Variants in KIF1B observed in about 807,000 individuals in gnomAD.
KIF1B encodes the protein kinesin family member 1B.
In KIF1B, 76 loss-of-function variants were observed where a neutral mutation model predicts 241.9. The ratio of observed to expected loss-of-function variants is 0.31; its 90% CI spans 0.26 to 0.38. The LOEUF (loss-of-function observed/expected upper bound fraction) is 0.38. KIF1B is among the 10% of genes least tolerant of loss of function. The pLI is 1.00. For synonymous variants in KIF1B, 750 were observed against 796.7 expected, an observed-to-expected ratio of 0.94 and a Z score of 0.99; for missense variants, 1,622 against 2,271.4, an observed-to-expected ratio of 0.71 and a Z score of 5.81.
chr1:10,229,867 C>CAAAAAAAAAAAA lies in KIF1B; in HGVS notation c.-79-2366_-79-2355dup, dbSNP rs58923572. On this transcript the variant is annotated intron_variant, in intron 1 of 48. Coordinates refer to ENST00000676179, the MANE Select transcript of KIF1B (RefSeq NM_001365951.3). ...TGGGTGATGGAGTGAGACTCCGTCTCAAAAAAAAAAAAAAAAAAAAAAAAA... is the reference window on the plus strand; with the variant it reads ...TGGGTGATGGAGTGAGACTCCGTCTCAAAAAAAAAAAAAAAAAAAAAAAAAAAAAAAAAAAAA... Among the ~76,000 whole-genome samples, 56 of 56,470 alleles carry CAAAAAAAAAAAA rather than the reference C, an allele frequency of 9.9e-4. 1 individual carries two copies. The highest frequency in any genetic ancestry group is 5.0e-3 in the African/African-American group (54 of 10,846). The allele number at this position is 56,470 out of a possible 152,430, so 37.0% of individuals were successfully genotyped here.
At chr1:10,354,756 C>T (rs1357250323) in intron 38 of KIF1B, among the ~76,000 whole-genome samples, 2 of 152,150 alleles carry the variant, frequency 1.3e-5, no homozygotes, top group Admixed American at 6.5e-5. Context: ...AATGAGACAT[C>T]TTTGTAGTTT....
Position 10,365,143 on chromosome 1 carries a change from A to T in KIF1B, c.4410A>T (p.Ala1470=), listed in dbSNP as rs1193837914. Residue 1470 remains alanine, a synonymous_variant, in exon 42 of 49, where the codon GCA becomes GCT. Coordinates refer to ENST00000676179, the MANE Select transcript of KIF1B (RefSeq NM_001365951.3). This position sits in a 1 kb window ranked among gnomAD's most constrained non-coding sequence, Gnocchi z 4.0. ...GAAAAATCTTAGATACGTCAGTGGC[A>T]TATGTGCGGGGAGAAGAGAACTTAG... ...RRRKILDTSV[A]YVRGEENLAG... 1 of 1,614,038 alleles carries T rather than the reference A, an allele frequency of 6.2e-7. No homozygotes were observed. Among genetic ancestry groups the T allele is most frequent in the East Asian group, 2.2e-5 (1 of 44,890 alleles).
intron 1 of KIF1B, among the ~76,000 whole-genome samples, chr1:10,224,552 G>A (rs1646886924): frequency 2.0e-5 from 3 of 151,822 alleles, no homozygotes; most frequent in Admixed American, 2.0e-4. Flanking sequence ...TCAAGTAGCT[G>A]GGATTACCGA....
At chr1:10,287,261 A>G (rs1649758260) in intron 15 of KIF1B, among the ~76,000 whole-genome samples, 1 of 152,194 alleles carries the variant, frequency 6.6e-6, no homozygotes, top group South Asian at 2.1e-4. Flanking sequence ...CAGTGGCACC[A>G]TCTTGGCTCA....
At chr1:10,364,335 G>A (rs1196454653) in intron 41 of KIF1B, among the ~76,000 whole-genome samples, 1 of 151,494 alleles carries the variant, frequency 6.6e-6, no homozygotes, top group Non-Finnish European at 1.5e-5. Context: ...CTCCTGAGTA[G>A]CTGGGTTTGC....
At position 10,232,441 on chromosome 1, in the gene KIF1B, A is replaced by G; in HGVS notation, c.106+7A>G. The G allele has an allele frequency of 1.3e-6, 2 of 1,588,880 alleles. No homozygotes were observed. The highest frequency in any genetic ancestry group is 1.7e-6 in the Non-Finnish European group (2 of 1,157,264). On this transcript the variant is annotated splice_region_variant and intron_variant, in intron 2 of 48. Coordinates refer to ENST00000676179, the MANE Select transcript of KIF1B (RefSeq NM_001365951.3). ...ATGCAAGGCAACTCGACCAGTGAGT[A>G]CATGTTGTTTTCTCTCAGCTGTGTA... is the stretch of plus-strand genomic sequence containing the variant.
intron 38 of KIF1B, among the ~76,000 whole-genome samples, chr1:10,359,581 A>G (rs1638355281): frequency 6.6e-6 from 1 of 152,226 alleles, no homozygotes; most frequent in African/African-American, 2.4e-5. Context: ...GTGGGTATCT[A>G]TTAAATTAAG....
intron 1 of KIF1B, among the ~76,000 whole-genome samples, chr1:10,218,115 C>G (rs1224750115): frequency 6.6e-6 from 1 of 152,088 alleles, no homozygotes; most frequent in Non-Finnish European, 1.5e-5. Flanking sequence ...TCATCATAGC[C>G]AGGCTCTGAC....
intron 23 of KIF1B, among the ~76,000 whole-genome samples, chr1:10,321,332 G>A: frequency 6.6e-6 from 1 of 152,122 alleles, no homozygotes; most frequent in Non-Finnish European, 1.5e-5. Flanking sequence ...TCAAACCCCT[G>A]ACCTCAGGTG....
intron 1 of KIF1B, among the ~76,000 whole-genome samples, chr1:10,211,148 G>A (rs1223440071): frequency 6.6e-6 from 1 of 152,174 alleles, no homozygotes. Context: ...CCAGGCCCCG[G>A]CTGTGCCCAG....
Position 10,375,381 on chromosome 1 carries a change from GT to G in KIF1B, c.5408+12del, listed in dbSNP as rs756092971. 3 of 1,605,516 alleles carry G rather than the reference GT, an allele frequency of 1.9e-6. No individual in the cohort carries two copies. The South Asian group carries it at 3.3e-5, about 18-fold the overall frequency. On this transcript the variant is annotated intron_variant, in intron 48 of 48. Transcript: ENST00000676179. The stretch of plus-strand genomic sequence containing the variant: ...TCTAGCTGGCACAATACGGTAAGAA[GT>G]TTTGTTGTTGTTGTTGTTGTTTTTG...
chr1:10,337,591 G>A lies in KIF1B; in HGVS notation c.3422+58G>A. The A allele has an allele frequency of 6.3e-7, 1 of 1,581,994 alleles. No homozygotes were observed. The highest frequency in any genetic ancestry group is 8.7e-7 in the Non-Finnish European group (1 of 1,151,106). On this transcript the variant is annotated intron_variant, in intron 31 of 48. Coordinates refer to ENST00000676179, the MANE Select transcript of KIF1B (RefSeq NM_001365951.3). The surrounding 1 kb of genome is among the most constrained non-coding windows in gnomAD (Gnocchi z 4.0). ...GCTGCTAACCGAGGTGACATCTCTT[G>A]TGCACTGTAGAGTGCTTTACATGTG... is the stretch of plus-strand genomic sequence containing the variant.
rs541233841 is a variant in KIF1B, at chr1:10,314,227, A to G, written c.2116-5816A>G. The stretch of plus-strand genomic sequence containing the variant: ...GTGCCTTCCGTAATTAGTTTTTGTC[A>G]CAAAATGAACAGAACGATAGTATGT... On this transcript the variant is annotated intron_variant, in intron 22 of 48. Coordinates refer to ENST00000676179, the MANE Select transcript of KIF1B (RefSeq NM_001365951.3). Among the ~76,000 whole-genome samples the G allele has an allele frequency of 2.3e-4, 35 of 151,596 alleles. 3 individuals are homozygous for G. The highest frequency in any genetic ancestry group is 8.3e-4 in the African/African-American group (34 of 40,928).
intron 17 of KIF1B, chr1:10,292,459 CA>C: frequency 3.3e-6 from 1 of 307,226 alleles, no homozygotes; most frequent in Non-Finnish European, 6.3e-6. Context: ...GCTACTCTTT[CA>C]TGTAGATTTT....
chr1:10,310,492 C>A (rs550532306), intron 22 of KIF1B, among the ~76,000 whole-genome samples: 1 of 151,668 alleles, frequency 6.6e-6, no homozygotes, highest in South Asian at 2.1e-4. Flanking sequence ...CGAAAGCAGC[C>A]ATAGACAATA....
intron 7 of KIF1B, 122 bp downstream of exon 7, chr1:10,268,385 A>G (rs1167440724): frequency 1.4e-6 from 1 of 722,786 alleles, no homozygotes; most frequent in Non-Finnish European, 2.5e-6. Context: ...TACTTAATGG[A>G]GGGTGTTTTA....
Position 10,361,042 on chromosome 1 carries a change from A to G in KIF1B, c.4169A>G (p.Glu1390Gly). 6.3e-7 allele frequency: 1 copy of G among 1,597,446 alleles called. No individual in the cohort carries two copies. Among genetic ancestry groups the G allele is most frequent in the East Asian group, 2.2e-5 (1 of 44,798 alleles). Residue 1390 changes from glutamate (E) to glycine (G), a missense_variant and splice_region_variant, in exon 39 of 49, where the codon GAG becomes GGG. Glu to Gly is a moderately conservative substitution (Grantham distance 98). Transcript: ENST00000676179. ...TACATGACCTTGTCGGCCTACCTAG[A>G]GGTGAGGAGACTTGGAACTTCAGTT... ...KIYMTLSAYL[E>G]LDHCIQPAVI...
chr1:10,306,358 G>T, intron 22 of KIF1B: 1 of 1,045,762 alleles, frequency 9.6e-7, no homozygotes, highest in East Asian at 5.6e-5. Flanking sequence ...TCACTTCAAT[G>T]CATTTTGTGT....
intron 22 of KIF1B, among the ~76,000 whole-genome samples, chr1:10,313,004 C>T (rs1651133144): frequency 6.6e-6 from 1 of 151,490 alleles, no homozygotes. Flanking sequence ...TGCTTAACCT[C>T]TTTCTTTCTC....
Sources: allele counts gnomAD v4.1 joint callset (sites outside exome capture counted in the v4.1 genomes callset), GRCh38; gene constraint gnomAD v4.1.1; non-coding constraint Gnocchi (gnomAD v3.1); transcripts MANE v1.5; gene names NCBI Gene and HGNC (gene_info 2026-07-23, HGNC 2026-07-21).